UMODL1: variants seen among roughly 807,000 people sequenced by gnomAD.
UMODL1 encodes uromodulin like 1, also known as uromodulin-like 1.
A neutral mutation model predicts 136.3 loss-of-function variants in UMODL1; 128 were observed. That is an observed-to-expected ratio of 0.94 (90% CI 0.81 to 1.09). UMODL1 has a LOEUF of 1.09. Among genes scored for constraint, UMODL1 ranks in the 50% least tolerant of loss-of-function variants. The pLI is 0.00. For synonymous variants in UMODL1, 721 were observed against 720.0 expected, an observed-to-expected ratio of 1.00 and a Z score of -0.02; for missense variants, 1,766 against 1,725.6, an observed-to-expected ratio of 1.02 and a Z score of -0.41.
chr21:42,097,102 GA>G (rs1760450713), intron 6 of UMODL1, among the ~76,000 whole-genome samples: 2 of 152,156 alleles, frequency 1.3e-5, no homozygotes, highest in African/African-American at 4.8e-5. Flanking sequence ...TGCCACTAAA[GA>G]AAATATCATA....
chr21:42,110,412 G>A (rs1055183489), intron 10 of UMODL1, among the ~76,000 whole-genome samples: 1 of 152,192 alleles, frequency 6.6e-6, no homozygotes, highest in Admixed American at 6.5e-5. Flanking sequence ...TAGACACTGC[G>A]TGTGCTGTCC....
chr21:42,090,545 T>G (rs1437420314), intron 6 of UMODL1, 107 bp downstream of exon 6: 1 of 1,384,110 alleles, frequency 7.2e-7, no homozygotes, highest in East Asian at 2.4e-5. Context: ...CCGAGATAAC[T>G]CTGCCATGAA....
intron 10 of UMODL1, among the ~76,000 whole-genome samples, chr21:42,110,533 A>G (rs1255335901): frequency 6.6e-6 from 1 of 152,184 alleles, no homozygotes; most frequent in Non-Finnish European, 1.5e-5. Context: ...AATCTGGGGG[A>G]AATTGTCCCA....
chr21:42,089,887 C>T (rs1455774360), intron 5 of UMODL1, among the ~76,000 whole-genome samples: 1 of 152,182 alleles, frequency 6.6e-6, no homozygotes, highest in Non-Finnish European at 1.5e-5. Context: ...GTTTGGGAGG[C>T]CTGGGCCAGC....
At chr21:42,134,025 C>G (rs2067169784) in intron 21 of UMODL1, among the ~76,000 whole-genome samples, 1 of 152,208 alleles carries the variant, frequency 6.6e-6, no homozygotes, top group Non-Finnish European at 1.5e-5. Context: ...TCAAGCGATT[C>G]TCCTGTCTCG....
chr21:42,102,165 G>C lies in UMODL1; in HGVS notation c.1187-1G>C, dbSNP rs374746566. 3.7e-5 allele frequency: 60 copies of C among 1,610,142 alleles called. No individual in the cohort carries two copies. Among genetic ancestry groups the C allele is most frequent in the Non-Finnish European group, 4.8e-5 (57 of 1,177,276 alleles). ...CTAATTTGTTTCACTGTCTGTCTCA[G>C]ATGCCCAGGTATTTGAAGTCACAAT... On this transcript the variant is annotated splice_acceptor_variant, in intron 7 of 22. Transcript: ENST00000408910. LOFTEE classifies it high-confidence loss of function.
At chr21:42,080,437 C>T (rs1200659853) in intron 2 of UMODL1, among the ~76,000 whole-genome samples, 1 of 152,122 alleles carries the variant, frequency 6.6e-6, no homozygotes, top group Non-Finnish European at 1.5e-5. Flanking sequence ...AGTCCTATCC[C>T]CCAGACAGTG....
intron 1 of UMODL1, among the ~76,000 whole-genome samples, chr21:42,065,550 T>C (rs551186709): frequency 2.0e-5 from 3 of 151,808 alleles, no homozygotes; most frequent in African/African-American, 4.8e-5. Flanking sequence ...TTCTTTTTTT[T>C]TTTTTGAGGC....
chr21:42,122,842 G>A lies in UMODL1; in HGVS notation c.2839G>A (p.Gly947Ser). 1 of 1,597,194 alleles carries A rather than the reference G, an allele frequency of 6.3e-7. No homozygotes were observed. The highest frequency in any genetic ancestry group is 8.6e-7 in the Non-Finnish European group (1 of 1,168,892). Residue 947 changes from glycine (G) to serine (S), a missense_variant, in exon 17 of 23, where the codon GGC (glycine) becomes AGC (serine). Gly to Ser is a moderately conservative substitution (Grantham distance 56). Coordinates refer to ENST00000408910, the MANE Select transcript of UMODL1 (RefSeq NM_001004416.3). This position sits in a 1 kb window ranked among gnomAD's most constrained non-coding sequence, Gnocchi z 4.3. ...CTTGTGCCTTGCAGGTGACTCTCCT[G>A]GCAATGAAACCTGGGCCACCAGCCC... is the stretch of plus-strand genomic sequence containing the variant. The part of the protein sequence containing the change: ...SERPCEGDSP[G>S]NETWATSPER...
chr21:42,088,443 G>A lies in UMODL1; in HGVS notation c.753G>A (p.Ala251=), dbSNP rs766999640. ...TCTCCACCCTGCTGGGTGACATTGCGAAGCGTGTCTATGAAGTGATCAGCG... is the reference window on the plus strand; with the variant it reads ...TCTCCACCCTGCTGGGTGACATTGCAAAGCGTGTCTATGAAGTGATCAGCG... The part of the protein sequence containing the change: ...ADVSTLLGDI[A]KRVYEVISVQ... Residue 251 remains alanine, a synonymous_variant, in exon 5 of 23, where the codon GCG becomes GCA. Coordinates refer to ENST00000408910, the MANE Select transcript of UMODL1 (RefSeq NM_001004416.3). 5.0e-6 allele frequency: 8 copies of A among 1,613,324 alleles called. No homozygotes were observed. The highest frequency in any genetic ancestry group is 4.4e-5 in the South Asian group (4 of 91,056).
intron 17 of UMODL1, among the ~76,000 whole-genome samples, chr21:42,125,117 T>C (rs1292984940): frequency 1.3e-5 from 2 of 152,162 alleles, no homozygotes; most frequent in African/African-American, 4.8e-5. Context: ...AGCTGTCAGA[T>C]GAAACCCAGA....
At chr21:42,083,360 C>A (rs879418415) in intron 2 of UMODL1, among the ~76,000 whole-genome samples, 10 of 152,208 alleles carry the variant, frequency 6.6e-5, no homozygotes, top group Non-Finnish European at 1.2e-4. Context: ...TACACCCCAT[C>A]CCGTCTGTCA....
chr21:42,073,566 T>G (rs73371551), intron 1 of UMODL1, among the ~76,000 whole-genome samples: 8,391 of 152,134 alleles, frequency 0.055, 751 homozygotes, highest in African/African-American at 0.19. Flanking sequence ...GTGCAGCAAG[T>G]GTGTGGTCCA....
chr21:42,111,274 C>A (rs1486969593), intron 11 of UMODL1, 153 bp downstream of exon 11: 2 of 1,424,538 alleles, frequency 1.4e-6, no homozygotes, highest in Non-Finnish European at 9.4e-7. Context: ...GGAGCCCCAG[C>A]CAGGTGAACC....
At chr21:42,102,032 T>A in intron 7 of UMODL1, 134 bp from the exon 8 acceptor site, 1 of 614,158 alleles carries the variant, frequency 1.6e-6, no homozygotes, top group Non-Finnish European at 2.9e-6. Flanking sequence ...CCAATTAGGA[T>A]ACCTCAATCT....
intron 17 of UMODL1, among the ~76,000 whole-genome samples, chr21:42,125,287 G>T (rs2123358004): frequency 6.6e-6 from 1 of 152,252 alleles, no homozygotes. Context: ...AGGTGGGGAG[G>T]TGGGGCATAA....
chr21:42,102,054 C>A, intron 7 of UMODL1, 112 bp from the exon 8 acceptor site: 1 of 717,420 alleles, frequency 1.4e-6, no homozygotes, highest in Non-Finnish European at 2.3e-6. Flanking sequence ...AGATTCATGC[C>A]TCAATCTATT....
At chr21:42,093,160 C>T (rs1030009130) in intron 6 of UMODL1, among the ~76,000 whole-genome samples, 2 of 152,218 alleles carry the variant, frequency 1.3e-5, no homozygotes, top group African/African-American at 2.4e-5. Context: ...TTCTAGAACC[C>T]AACTAGGAAA....
intron 21 of UMODL1, among the ~76,000 whole-genome samples, chr21:42,131,222 C>CT (rs912581336): frequency 2.6e-5 from 4 of 152,098 alleles, no homozygotes; most frequent in Admixed American, 6.6e-5. Context: ...GTTGGTTTTC[C>CT]TTTTTTTGTT....
Sources: gnomAD v4.1 joint callset for allele counts (sites outside exome capture counted in the v4.1 genomes callset) on GRCh38, gnomAD v4.1.1 for gene constraint, Gnocchi (gnomAD v3.1) non-coding constraint, MANE v1.5 for transcripts, NCBI Gene and HGNC (gene_info 2026-07-23, HGNC 2026-07-21) for gene names.